Variants in CEP170 observed in about 807,000 individuals in gnomAD.
The protein encoded by CEP170 is centrosomal protein of 170 kDa.
CEP170 carries 21 observed loss-of-function variants against 151.9 expected under a neutral mutation model. The observed-to-expected ratio is 0.14, with a 90% confidence interval of 0.10 to 0.20. The LOEUF (loss-of-function observed/expected upper bound fraction) is 0.20. Ranked by LOEUF, CEP170 falls within the 10% of genes least tolerant of loss-of-function variation. The pLI, the probability that CEP170 is intolerant of heterozygous loss-of-function variation, is 1.00. For synonymous variants in CEP170, 356 were observed against 648.8 expected (o/e 0.55, Z 6.86); for missense variants, 964 against 1,892.9 (o/e 0.51, Z 9.11).
chr1:243,226,127 G>GTA (rs1158968681), intron 1 of CEP170, among the ~76,000 whole-genome samples: 1 of 88,008 alleles, frequency 1.1e-5, no homozygotes, highest in Admixed American at 1.5e-4. Flanking sequence ...ATATACGTGT[G>GTA]TATATATGTG....
At position 243,126,742 on chromosome 1, in the gene CEP170, A is replaced by C. The variant is rs1246416624; in HGVS notation, c.4466-4T>G. 1 of 1,556,444 alleles carries C rather than the reference A, an allele frequency of 6.4e-7. No individual in the cohort carries two copies. The highest frequency in any genetic ancestry group is 1.4e-5 in the African/African-American group (1 of 73,276). ...GGATCAATCATAGCATTGATTGCTA[A>C]AGGGCGGGAAAAGGAAATAATTTTA... On this transcript the variant is annotated splice_region_variant and splice_polypyrimidine_tract_variant and intron_variant, in intron 19 of 19. Coordinates refer to ENST00000366542, the MANE Select transcript of CEP170 (RefSeq NM_014812.3).
intron 13 of CEP170, among the ~76,000 whole-genome samples, chr1:243,161,015 A>G (rs2058022570): frequency 6.6e-6 from 1 of 151,060 alleles, no homozygotes; most frequent in African/African-American, 2.5e-5. Context: ...TTCAGTTACA[A>G]CTTGATATCA....
At chr1:243,234,984 G>A (rs141516580) in intron 1 of CEP170, among the ~76,000 whole-genome samples, 5 of 152,126 alleles carry the variant, frequency 3.3e-5, no homozygotes, top group African/African-American at 1.2e-4. Flanking sequence ...CTTCAAGTTC[G>A]AGAAAATGGA....
chr1:243,157,029 C>A (rs1383266986), intron 13 of CEP170, among the ~76,000 whole-genome samples: 1 of 152,136 alleles, frequency 6.6e-6, no homozygotes, highest in Non-Finnish European at 1.5e-5. Flanking sequence ...CATCCTGTTA[C>A]GCTATGGTTG....
intron 16 of CEP170, 122 bp from the exon 17 acceptor site, chr1:243,136,353 A>C: frequency 3.1e-6 from 3 of 971,774 alleles, no homozygotes; most frequent in Non-Finnish European, 3.0e-6. Flanking sequence ...TATTTTAATT[A>C]TAAACCAGTG....
At chr1:243,196,936 G>A (rs575944870) in intron 7 of CEP170, among the ~76,000 whole-genome samples, 1 of 152,178 alleles carries the variant, frequency 6.6e-6, no homozygotes, top group South Asian at 2.1e-4. Context: ...ATAATTTATG[G>A]GGGATGCATT....
intron 10 of CEP170, chr1:243,176,862 C>A (rs1386279460): frequency 6.3e-5 from 25 of 397,492 alleles, no homozygotes; most frequent in Middle Eastern, 3.6e-4. Flanking sequence ...ACCAAATATC[C>A]ATAAGAACCA....
chr1:243,183,102 T>C (rs2789111), intron 10 of CEP170, among the ~76,000 whole-genome samples: 68,395 of 151,368 alleles, frequency 0.45, 16,180 homozygotes, highest in African/African-American at 0.6. Context: ...TCTTGGTTTT[T>C]GTCTGTGTAT....
chr1:243,192,571 A>C (rs2060372731), intron 7 of CEP170, among the ~76,000 whole-genome samples: 1 of 152,192 alleles, frequency 6.6e-6, no homozygotes, highest in Non-Finnish European at 1.5e-5. Context: ...TTCTGCTTTT[A>C]AACAGATTAA....
chr1:243,253,753 C>T (rs2066180745), intron 1 of CEP170, among the ~76,000 whole-genome samples: 1 of 152,168 alleles, frequency 6.6e-6, no homozygotes, highest in Admixed American at 6.5e-5. Flanking sequence ...ATTCTCTCTT[C>T]TGGTGTGTTT....
intron 1 of CEP170, among the ~76,000 whole-genome samples, chr1:243,239,253 C>A (rs2064563982): frequency 6.6e-6 from 1 of 152,180 alleles, no homozygotes; most frequent in Non-Finnish European, 1.5e-5. Flanking sequence ...AATGGCATCA[C>A]CAACTGACCA....
In CEP170 at chr1:243,126,576, G is replaced by A; in HGVS notation, c.4628C>T (p.Ala1543Val). Residue 1543 changes from alanine (A) to valine (V), a missense_variant, in exon 20 of 20, where the codon GCT becomes GTT. Ala to Val is a moderately conservative substitution (Grantham distance 64). Transcript: ENST00000366542. ...TPTLGQPEAR[A>V]LHPAAVSAAA... The stretch of plus-strand genomic sequence containing the variant: ...GGCTGAAACAGCAGCAGGATGAAGA[G>A]CCCTAGCTTCTGGTTGGCCAAGTGT... The A allele has an allele frequency of 6.4e-7, 1 of 1,574,782 alleles. No homozygotes were observed. Among genetic ancestry groups the A allele is most frequent in the Middle Eastern group, 1.7e-4 (1 of 6,022 alleles).
In CEP170 at chr1:243,212,137, C is replaced by T. The variant is rs574275998; in HGVS notation, c.196-173G>A. 2.0e-5 allele frequency among the ~76,000 whole-genome samples: 3 copies of T among 152,304 alleles called. No homozygotes were observed. The East Asian group carries it at 5.8e-4, about 29-fold the overall frequency. ...CTGTAGGCTGATAAATGATTTTATA[C>T]TAAGCCTTTTATCTCTCTTACTGGT... On this transcript the variant is annotated intron_variant, in intron 3 of 19. Coordinates refer to ENST00000366542, the MANE Select transcript of CEP170 (RefSeq NM_014812.3).
intron 1 of CEP170, among the ~76,000 whole-genome samples, chr1:243,238,286 CAAAAAAATA>C (rs998009010): frequency 2.6e-5 from 4 of 151,726 alleles, no homozygotes; most frequent in Non-Finnish European, 4.4e-5. Flanking sequence ...CCTGTCTCTA[CAAAAAAATA>C]AAAAAAATAA....
intron 1 of CEP170, among the ~76,000 whole-genome samples, chr1:243,251,649 AT>A (rs1371994249): frequency 6.6e-6 from 1 of 152,146 alleles, no homozygotes; most frequent in Non-Finnish European, 1.5e-5. Context: ...TATTTTCTAT[AT>A]CATTTATTAC....
rs779664593 is a variant in CEP170, at chr1:243,186,249, T to A, written c.1272+10A>T. 6.2e-7 allele frequency: 1 copy of A among 1,613,776 alleles called. No homozygotes were observed. The highest frequency in any genetic ancestry group is 2.2e-5 in the East Asian group (1 of 44,884). ...TCAAAGAATGCAATCATAAAAGCAG[T>A]TTGACTTACAACAGCTTGGTCTTGA... is the stretch of plus-strand genomic sequence containing the variant. On this transcript the variant is annotated intron_variant, in intron 9 of 19. Coordinates refer to ENST00000366542, the MANE Select transcript of CEP170 (RefSeq NM_014812.3).
intron 17 of CEP170, among the ~76,000 whole-genome samples, chr1:243,130,975 C>T (rs1318229948): frequency 2.9e-4 from 44 of 152,014 alleles, no homozygotes; most frequent in Non-Finnish European, 2.9e-5. Flanking sequence ...TTTCATGGAC[C>T]AGCTTAGAAC....
Position 243,124,817 on chromosome 1 carries a change from TCA to T in CEP170, c.*1630_*1631del, listed in dbSNP as rs906418581. Reference sequence around the variant, plus strand: ...CATTTATGTTCTTTAAAACCTTTTTTCAGTCTTCCTTTATTAGACAGAATGGG... The same window carrying T: ...CATTTATGTTCTTTAAAACCTTTTTTGTCTTCCTTTATTAGACAGAATGGG... On this transcript the variant is annotated 3_prime_UTR_variant, in exon 20 of 20. Coordinates refer to ENST00000366542, the MANE Select transcript of CEP170 (RefSeq NM_014812.3). 2 of 152,620 alleles carry T rather than the reference TCA, an allele frequency of 1.3e-5. No individual in the cohort carries two copies. The highest frequency in any genetic ancestry group is 4.8e-5 in the African/African-American group (2 of 41,466). The allele number at this position is 152,620 out of a possible 1,614,324, so 9.5% of individuals were successfully genotyped here. A position where few individuals can be genotyped will look rare whatever the true frequency, so the allele number is the denominator to read the frequency against.
chr1:243,149,333 G>C lies in CEP170; in HGVS notation c.3912-6870C>G, dbSNP rs549667702. On this transcript the variant is annotated intron_variant, in intron 14 of 19. Transcript: ENST00000366542. The stretch of plus-strand genomic sequence containing the variant: ...GAAGATGGTCTGACGCCATCTGACA[G>C]CAAAGTATTTACTCAATAAACAAGA... 2.2e-3 allele frequency among the ~76,000 whole-genome samples: 328 copies of C among 152,300 alleles called. 2 individuals carry two copies. The highest frequency in any genetic ancestry group is 7.7e-3 in the African/African-American group (319 of 41,550).
Sources: allele counts gnomAD v4.1 joint callset (sites outside exome capture counted in the v4.1 genomes callset), GRCh38; gene constraint gnomAD v4.1.1; transcripts MANE v1.5; gene names NCBI Gene and HGNC (gene_info 2026-07-23, HGNC 2026-07-21).